Variants in LGALS2 observed in about 807,000 individuals in gnomAD.
LGALS2 encodes the protein galectin 2, also known as galectin-2.
LGALS2 carries 7 observed loss-of-function variants against 10.1 expected under a neutral mutation model. The observed-to-expected ratio is 0.70, with a 90% CI of 0.40 to 1.31. The LOEUF is 1.31. LGALS2 is among the 50% of genes most tolerant of loss of function. LGALS2 has a pLI of 0.01. For synonymous variants in LGALS2, 86 were observed against 64.2 expected, an observed-to-expected ratio of 1.34 and a Z score of -1.63; for missense variants, 167 against 163.6, an observed-to-expected ratio of 1.02 and a Z score of -0.11.
chr22:37,571,894 C>G lies in LGALS2; in HGVS notation c.44G>C (p.Gly15Ala), dbSNP rs1189904954. Reference sequence around the variant, plus strand: ...GCTGCCTGTGATCTTCAGGGTTGACCCCGGCTTCATGTCCATGTTCTTAAC... The same window carrying G: ...GCTGCCTGTGATCTTCAGGGTTGACGCCGGCTTCATGTCCATGTTCTTAAC... Reference protein sequence around the residue: ...LEVKNMDMKPGSTLKITGSIA... With the variant: ...LEVKNMDMKPASTLKITGSIA... Residue 15 changes from glycine (G) to alanine (A), a missense_variant, in exon 2 of 4, where the codon GGG (glycine) becomes GCG (alanine). Transcript: ENST00000215886. 2 of 1,614,042 alleles carry G rather than the reference C, an allele frequency of 1.2e-6. No individual in the cohort carries two copies. Among genetic ancestry groups the G allele is most frequent in the Admixed American group, 1.7e-5 (1 of 60,000 alleles).
intron 1 of LGALS2, among the ~76,000 whole-genome samples, chr22:37,574,659 T>C (rs1289153225): frequency 6.6e-6 from 1 of 152,050 alleles, no homozygotes; most frequent in African/African-American, 2.4e-5. Context: ...CACTGACTTT[T>C]TATTTCCAGA....
intron 1 of LGALS2, among the ~76,000 whole-genome samples, chr22:37,579,441 T>C (rs1925784616): frequency 6.6e-6 from 1 of 151,776 alleles, no homozygotes; most frequent in Admixed American, 6.6e-5. Context: ...GTATTGTTGT[T>C]GTTGTTTTGA....
At chr22:37,571,535 T>C (rs1925497234) in intron 2 of LGALS2, among the ~76,000 whole-genome samples, 1 of 152,156 alleles carries the variant, frequency 6.6e-6, no homozygotes, top group Admixed American at 6.5e-5. Flanking sequence ...CTCTGGGGAT[T>C]TGGGCGTTCC....
intron 1 of LGALS2, among the ~76,000 whole-genome samples, chr22:37,575,581 C>T (rs114431323): frequency 0.011 from 1,662 of 152,046 alleles, 31 homozygotes; most frequent in African/African-American, 0.039. Context: ...CCACCTCAGC[C>T]CCCCAGGTAG....
chr22:37,576,882 G>A (rs1925698054), intron 1 of LGALS2, among the ~76,000 whole-genome samples: 1 of 152,128 alleles, frequency 6.6e-6, no homozygotes, highest in Non-Finnish European at 1.5e-5. Flanking sequence ...TAGGGATGCT[G>A]AGAGCTGCGG....
intron 1 of LGALS2, among the ~76,000 whole-genome samples, chr22:37,573,430 G>A (rs1248799913): frequency 6.6e-6 from 1 of 152,176 alleles, no homozygotes; most frequent in Non-Finnish European, 1.5e-5. Flanking sequence ...GGGTGTGGAA[G>A]TGTGTACCTG....
intron 1 of LGALS2, among the ~76,000 whole-genome samples, chr22:37,573,046 G>T (rs1399793126): frequency 6.6e-6 from 1 of 151,590 alleles, no homozygotes; most frequent in Non-Finnish European, 1.5e-5. Flanking sequence ...GGCCGAGGCA[G>T]CCAGATCACC....
chr22:37,570,413 CTG>C lies in LGALS2; in HGVS notation c.250-3_250-2del. On this transcript the variant is annotated splice_acceptor_variant and splice_polypyrimidine_tract_variant and intron_variant, in intron 3 of 3. Coordinates refer to ENST00000215886, the MANE Select transcript of LGALS2 (RefSeq NM_006498.3). LOFTEE classifies it high-confidence loss of function. Reference sequence around the variant, plus strand: ...TGTCACTCTCAAAGGTCACTGTGAACTGTGGGGAGGGAGGGTGTCAAGGAGGC... The same window carrying C: ...TGTCACTCTCAAAGGTCACTGTGAACTGGGGAGGGAGGGTGTCAAGGAGGC... 1 of 1,612,762 alleles carries C rather than the reference CTG, an allele frequency of 6.2e-7. No individual in the cohort carries two copies. The highest frequency in any genetic ancestry group is 8.5e-7 in the Non-Finnish European group (1 of 1,179,262).
At chr22:37,572,395 G>A (rs535353904) in intron 1 of LGALS2, among the ~76,000 whole-genome samples, 1 of 152,216 alleles carries the variant, frequency 6.6e-6, no homozygotes, top group African/African-American at 2.4e-5. Context: ...ATTTTGGGAG[G>A]CCGAGGCGGG....
At chr22:37,570,470 G>C in intron 3 of LGALS2, 58 bp from the exon 4 acceptor site, 1 of 1,606,180 alleles carries the variant, frequency 6.2e-7, no homozygotes, top group African/African-American at 1.3e-5. Flanking sequence ...CCAGGGCAGT[G>C]CCTGATGGCT....
At chr22:37,577,792 G>T (rs1234648788) in intron 1 of LGALS2, among the ~76,000 whole-genome samples, 1 of 152,166 alleles carries the variant, frequency 6.6e-6, no homozygotes, top group Non-Finnish European at 1.5e-5. Context: ...TAAGAGGAGA[G>T]AAATATAGAC....
chr22:37,574,499 TAAA>T (rs56410387), intron 1 of LGALS2, among the ~76,000 whole-genome samples: 8,363 of 119,866 alleles, frequency 0.07, 457 homozygotes, highest in African/African-American at 0.18. Context: ...AGACTCTGTC[TAAA>T]AAAAAAAAAA....
At chr22:37,576,613 A>G (rs1043202645) in intron 1 of LGALS2, among the ~76,000 whole-genome samples, 2 of 152,110 alleles carry the variant, frequency 1.3e-5, no homozygotes, top group Non-Finnish European at 2.9e-5. Context: ...TGCCCTGCGC[A>G]CACACACGTC....
chr22:37,572,611 CAA>C (rs1368030261), intron 1 of LGALS2, among the ~76,000 whole-genome samples: 1 of 151,722 alleles, frequency 6.6e-6, no homozygotes, highest in Non-Finnish European at 1.5e-5. Flanking sequence ...ACTAAAAATA[CAA>C]AAAGTTAGCC....
At chr22:37,572,258 G>T in intron 1 of LGALS2, among the ~76,000 whole-genome samples, 1 of 152,206 alleles carries the variant, frequency 6.6e-6, no homozygotes, top group East Asian at 1.9e-4. Context: ...ATGAAATCAC[G>T]CTGCCCTCAG....
At position 37,579,926 on chromosome 22, in the gene LGALS2, G is replaced by C. The variant is rs1925800102; in HGVS notation, c.-21C>G. The C allele has an allele frequency of 1.2e-6, 2 of 1,611,050 alleles. No homozygotes were observed. The highest frequency in any genetic ancestry group is 2.7e-5 in the African/African-American group (2 of 74,890). Reference sequence around the variant, plus strand: ...GTCATGGTGACAGCTCCTGGCGGCAGCTCCCAGCGGCTCCTGGAGGCCTGT... The same window carrying C: ...GTCATGGTGACAGCTCCTGGCGGCACCTCCCAGCGGCTCCTGGAGGCCTGT... On this transcript the variant is annotated 5_prime_UTR_variant, in exon 1 of 4. Coordinates refer to ENST00000215886, the MANE Select transcript of LGALS2 (RefSeq NM_006498.3).
At chr22:37,573,349 C>T (rs752609491) in intron 1 of LGALS2, among the ~76,000 whole-genome samples, 1 of 152,196 alleles carries the variant, frequency 6.6e-6, no homozygotes, top group Non-Finnish European at 1.5e-5. Context: ...AAGTCTCTCT[C>T]CAAGCCTCAC....
At chr22:37,579,877 C>A in intron 1 of LGALS2, 23 bp downstream of exon 1, 1 of 1,607,264 alleles carries the variant, frequency 6.2e-7, no homozygotes, top group Non-Finnish European at 8.5e-7. Flanking sequence ...GTGGGGCAGG[C>A]AGCAGGGGGC....
chr22:37,576,048 C>T (rs1398364207), intron 1 of LGALS2, among the ~76,000 whole-genome samples: 4 of 152,188 alleles, frequency 2.6e-5, no homozygotes, highest in Admixed American at 1.3e-4. Context: ...GCAAAACCTC[C>T]CTGCTTTAGA....
Sources: allele counts gnomAD v4.1 joint callset (sites outside exome capture counted in the v4.1 genomes callset), GRCh38; gene constraint gnomAD v4.1.1; transcripts MANE v1.5; gene names NCBI Gene and HGNC (gene_info 2026-07-23, HGNC 2026-07-21).